FOXN2: variants seen among roughly 807,000 people sequenced by gnomAD.
The protein encoded by FOXN2 is forkhead box protein N2.
In FOXN2, 19 loss-of-function variants were observed where a neutral mutation model predicts 41.2. The observed-to-expected ratio is 0.46, with a 90% CI of 0.32 to 0.68. The LOEUF (loss-of-function observed/expected upper bound fraction) is 0.68. FOXN2 is among the 30% of genes least tolerant of loss of function. The pLI is 0.03. For missense variants in FOXN2, 587 were observed against 509.4 expected (o/e 1.15, Z -1.47); for synonymous variants, 195 against 176.8 (o/e 1.10, Z -0.82).
chr2:48,326,609 A>G (rs1158918766), intron 1 of FOXN2, among the ~76,000 whole-genome samples: 2 of 152,174 alleles, frequency 1.3e-5, no homozygotes, highest in Non-Finnish European at 2.9e-5. Context: ...GTTGAGCATC[A>G]CTAATGCAAA....
chr2:48,342,564 A>C (rs1670846918), intron 2 of FOXN2, among the ~76,000 whole-genome samples: 1 of 151,988 alleles, frequency 6.6e-6, no homozygotes, highest in African/African-American at 2.4e-5. Flanking sequence ...TTTTTAAAAT[A>C]AGTTTTTTAT....
At position 48,378,529 on chromosome 2, in the gene FOXN2, C is replaced by T. The variant is rs1673382721; in HGVS notation, c.*3086C>T. On this transcript the variant is annotated 3_prime_UTR_variant, in exon 7 of 7. Transcript: ENST00000340553. ...GTCTTGGTAGACCAGGAGGCCTTTG[C>T]CAGCAATTTAAGCAACAGATGTGAA... 6.6e-6 allele frequency: 1 copy of T among 151,946 alleles called. No individual in the cohort carries two copies. Among genetic ancestry groups the T allele is most frequent in the Admixed American group, 6.6e-5 (1 of 15,128 alleles). 9.4% of individuals were successfully genotyped at this position (151,946 alleles called of 1,614,324 possible). A position where few individuals can be genotyped will look rare whatever the true frequency, so the allele number is the denominator to read the frequency against.
At chr2:48,319,907 T>G (rs1669185004) in intron 1 of FOXN2, among the ~76,000 whole-genome samples, 1 of 151,058 alleles carries the variant, frequency 6.6e-6, no homozygotes, top group Non-Finnish European at 1.5e-5. Flanking sequence ...GCTGGGATTT[T>G]AGGCATGAGC....
chr2:48,375,546 T>A lies in FOXN2; in HGVS notation c.*103T>A. 1 of 1,163,514 alleles carries A rather than the reference T, an allele frequency of 8.6e-7. No individual in the cohort carries two copies. Among genetic ancestry groups the A allele is most frequent in the Non-Finnish European group, 1.2e-6 (1 of 852,366 alleles). The allele number at this position is 1,163,514 out of a possible 1,614,324, so 72.1% of individuals were successfully genotyped here. A position where few individuals can be genotyped will look rare whatever the true frequency, so the allele number is the denominator to read the frequency against. ...TTTAGGGTAGGGAAGGGATACTAAT[T>A]ACTTATTTCTTTCAAAACATTTTTG... On this transcript the variant is annotated 3_prime_UTR_variant, in exon 7 of 7. Coordinates refer to ENST00000340553, the MANE Select transcript of FOXN2 (RefSeq NM_002158.4).
At chr2:48,366,287 A>G (rs1246856325) in intron 5 of FOXN2, among the ~76,000 whole-genome samples, 1 of 149,716 alleles carries the variant, frequency 6.7e-6, no homozygotes, top group Non-Finnish European at 1.5e-5. Flanking sequence ...TGAACTTGGG[A>G]GGTGGAGATT....
intron 3 of FOXN2, among the ~76,000 whole-genome samples, chr2:48,357,862 GA>G (rs200738115): frequency 0.018 from 2,038 of 113,688 alleles, 22 homozygotes; most frequent in African/African-American, 0.041. Flanking sequence ...GTCTTTTATT[GA>G]AAAAAAAAAA....
chr2:48,346,664 T>C lies in FOXN2; in HGVS notation c.450T>C (p.Ala150=), dbSNP rs1239553635. ...SWILDHFPYF[A]TAPTGWKNSV... Reference sequence around the variant, plus strand: ...TTCTGGACCATTTTCCATATTTTGCTACTGCACCAACAGGCTGGAAGAATT... The same window carrying C: ...TTCTGGACCATTTTCCATATTTTGCCACTGCACCAACAGGCTGGAAGAATT... The change falls in exon 3 of 7, where the codon GCT becomes GCC. Residue 150 remains alanine, a synonymous_variant. Transcript: ENST00000340553. The C allele has an allele frequency of 6.2e-7, 1 of 1,613,962 alleles. No individual in the cohort carries two copies. Among genetic ancestry groups the C allele is most frequent in the Admixed American group, 1.7e-5 (1 of 59,976 alleles).
chr2:48,373,994 G>A (rs1673073198), intron 6 of FOXN2, among the ~76,000 whole-genome samples: 1 of 149,874 alleles, frequency 6.7e-6, no homozygotes, highest in South Asian at 2.1e-4. Context: ...GGTGGGGGTT[G>A]CAGTGAGCCA....
At chr2:48,337,879 A>G (rs909733589) in intron 2 of FOXN2, among the ~76,000 whole-genome samples, 2 of 152,232 alleles carry the variant, frequency 1.3e-5, no homozygotes, top group Non-Finnish European at 2.9e-5. Flanking sequence ...TTTCCAGTAT[A>G]GCAGGAGATT....
chr2:48,349,857 G>T (rs370344158), intron 3 of FOXN2, among the ~76,000 whole-genome samples: 1 of 152,228 alleles, frequency 6.6e-6, no homozygotes, highest in Non-Finnish European at 1.5e-5. Flanking sequence ...AATGGCAGTC[G>T]TAAAAGAATG....
rs771814669 is a variant in FOXN2, at chr2:48,346,559, C to T, written c.345C>T (p.Tyr115=). Residue 115 remains tyrosine (Y), a synonymous_variant, in exon 3 of 7, where the codon TAC becomes TAT. Transcript: ENST00000340553. ...EKKSATSKPP[Y]SFSLLIYMAI... ...AATCAGCGACTTCAAAGCCCCCATA[C>T]TCCTTTAGTCTTCTCATTTATATGG... The T allele has an allele frequency of 5.0e-6, 8 of 1,613,406 alleles. No individual in the cohort carries two copies. The highest frequency in any genetic ancestry group is 6.8e-6 in the Non-Finnish European group (8 of 1,179,812).
At chr2:48,341,693 G>A (rs1374407983) in intron 2 of FOXN2, among the ~76,000 whole-genome samples, 1 of 152,190 alleles carries the variant, frequency 6.6e-6, no homozygotes, top group Non-Finnish European at 1.5e-5. Flanking sequence ...TGTGCCAAGA[G>A]GAAGAACATG....
At chr2:48,315,034 G>T (rs1464784769) in intron 1 of FOXN2, among the ~76,000 whole-genome samples, 1 of 152,094 alleles carries the variant, frequency 6.6e-6, no homozygotes, top group Non-Finnish European at 1.5e-5. Flanking sequence ...GGGCTCCGGG[G>T]GATGTCGAAC....
At position 48,349,001 on chromosome 2, in the gene FOXN2, G is replaced by A. The variant is rs190041775; in HGVS notation, c.537+2250G>A. Among the ~76,000 whole-genome samples, 355 of 152,316 alleles carry A rather than the reference G, an allele frequency of 2.3e-3. 3 individuals are homozygous for A. Among genetic ancestry groups the A allele is most frequent in the African/African-American group, 8.2e-3 (340 of 41,560 alleles). ...AGTCTTAAACAGGTTCTGCATGCCT[G>A]TGCTTCAGGTGTGAGTCTTTCTGTG... On this transcript the variant is annotated intron_variant, in intron 3 of 6. Transcript: ENST00000340553.
At chr2:48,355,860 C>T (rs1012282296) in intron 3 of FOXN2, among the ~76,000 whole-genome samples, 4 of 152,208 alleles carry the variant, frequency 2.6e-5, no homozygotes, top group African/African-American at 9.6e-5. Flanking sequence ...ACAGGTCTAA[C>T]AATCCTGGTT....
chr2:48,322,938 T>C (rs1669433275), intron 1 of FOXN2, among the ~76,000 whole-genome samples: 1 of 151,242 alleles, frequency 6.6e-6, no homozygotes, highest in South Asian at 2.1e-4. Context: ...TTGTGTGGGA[T>C]TCAATCTCTT....
intron 4 of FOXN2, among the ~76,000 whole-genome samples, chr2:48,361,821 G>C (rs1238744313): frequency 2.0e-5 from 3 of 151,944 alleles, no homozygotes; most frequent in Non-Finnish European, 2.9e-5. Context: ...AATATAGAAA[G>C]TTTAATTTTA....
chr2:48,322,393 T>C (rs1669388566), intron 1 of FOXN2, among the ~76,000 whole-genome samples: 1 of 152,222 alleles, frequency 6.6e-6, no homozygotes, highest in African/African-American at 2.4e-5. Flanking sequence ...AACCCTGTCC[T>C]TTAAAAAGTA....
rs556610326 is a variant in FOXN2, at chr2:48,361,746, A to G, written c.639-897A>G. Among the ~76,000 whole-genome samples the G allele has an allele frequency of 3.3e-5, 5 of 152,282 alleles. No homozygotes were observed. In the East Asian group the frequency reaches 9.6e-4, roughly 29 times the overall value. On this transcript the variant is annotated intron_variant, in intron 4 of 6. Coordinates refer to ENST00000340553, the MANE Select transcript of FOXN2 (RefSeq NM_002158.4). Reference sequence around the variant, plus strand: ...GCTATCATAAATTCCAAAGAAGAGAAGTAGTTTTTCCCAAAAATATTTTAA... The same window carrying G: ...GCTATCATAAATTCCAAAGAAGAGAGGTAGTTTTTCCCAAAAATATTTTAA...
Sources: gnomAD v4.1 joint callset for allele counts (sites outside exome capture counted in the v4.1 genomes callset) on GRCh38, gnomAD v4.1.1 for gene constraint, MANE v1.5 for transcripts, NCBI Gene and HGNC (gene_info 2026-07-23, HGNC 2026-07-21) for gene names.